The following PGBD5 variants were observed in gnomAD, a reference collection of about 807,000 sequenced individuals.
PGBD5 encodes the protein piggyBac transposable element-derived protein 5.
A neutral mutation model predicts 47.9 loss-of-function variants in PGBD5; 14 were observed. That is an observed-to-expected ratio of 0.29 (90% CI 0.19 to 0.46). The LOEUF is 0.46. Among genes scored for constraint, PGBD5 ranks in the 20% least tolerant of loss-of-function variants. The probability of loss-of-function intolerance (pLI) is 1.00; values close to 1 mark genes in which losing one functional copy is unlikely to be tolerated. For synonymous variants in PGBD5, 316 were observed against 306.3 expected, an observed-to-expected ratio of 1.03 and a Z score of -0.33; for missense variants, 635 against 716.0, an observed-to-expected ratio of 0.89 and a Z score of 1.29.
rs1273388072 is a variant in PGBD5 at position 230,323,183 on chromosome 1, G to A, written c.*242C>T. 13 of 525,250 alleles carry A rather than the reference G, an allele frequency of 2.5e-5. No homozygotes were observed. Among genetic ancestry groups the A allele is most frequent in the South Asian group, 2.3e-4 (9 of 39,084 alleles). The allele number at this position is 525,250 out of a possible 1,614,324, so 32.5% of individuals were successfully genotyped here. ...AGAATCTGCCCTTGAGAACGTGGGT[G>A]TAAGTGCTCATCACACCGGCGGCAC... On this transcript the variant is annotated 3_prime_UTR_variant, in exon 7 of 7. Transcript: ENST00000391860. The surrounding 1 kb of genome is among the most constrained non-coding windows in gnomAD (Gnocchi z 4.1).
chr1:230,324,298 G>C (rs1023365101), intron 6 of PGBD5, among the ~76,000 whole-genome samples: 2 of 152,236 alleles, frequency 1.3e-5, no homozygotes, highest in Non-Finnish European at 2.9e-5. Flanking sequence ...AGGCACGACA[G>C]ACATCTACCC....
At chr1:230,356,837 C>G (rs1298671832) in intron 2 of PGBD5, 57 bp downstream of exon 2, 1 of 1,562,564 alleles carries the variant, frequency 6.4e-7, no homozygotes, top group South Asian at 1.2e-5. Flanking sequence ...ACAGACAAGG[C>G]TAGGCCGAGA....
At chr1:230,418,710 G>C (rs538962207) in intron 1 of PGBD5, among the ~76,000 whole-genome samples, 3 of 152,144 alleles carry the variant, frequency 2.0e-5, no homozygotes, top group African/African-American at 7.2e-5. Flanking sequence ...AGATGGTCTC[G>C]AACTCTTGGT....
intron 1 of PGBD5, among the ~76,000 whole-genome samples, chr1:230,389,025 A>T (rs565985360): frequency 4.6e-5 from 7 of 152,210 alleles, no homozygotes; most frequent in Non-Finnish European, 1.0e-4. Flanking sequence ...GACTGGGAGG[A>T]AGCTGCCTTG....
In PGBD5 at chr1:230,319,505, G is replaced by C. The variant is rs1667003366; in HGVS notation, c.*3920C>G. The C allele has an allele frequency of 6.6e-6, 1 of 152,120 alleles. No homozygotes were observed. Among genetic ancestry groups the C allele is most frequent in the Admixed American group, 6.5e-5 (1 of 15,284 alleles). The allele number at this position is 152,120 out of a possible 1,614,324, so 9.4% of individuals were successfully genotyped here. ...GTTGCAAGGCCCCATGGCCCTCCCG[G>C]GTTTGCCCTGCTTCCTCTCAGCCTG... On this transcript the variant is annotated 3_prime_UTR_variant, in exon 7 of 7. Coordinates refer to ENST00000391860, the MANE Select transcript of PGBD5 (RefSeq NM_001258311.2).
rs561708904 is a variant in PGBD5, at chr1:230,366,098, C to T, written c.332-8777G>A. Among the ~76,000 whole-genome samples, 3 of 152,112 alleles carry T rather than the reference C, an allele frequency of 2.0e-5. No individual in the cohort carries two copies. In the South Asian group the frequency reaches 6.2e-4, roughly 32 times the overall value. ...CCCTTACCAGCAATAAACTAAAAGGCCAGGAGGGGACAGGGCTAATCCATG... is the reference window on the plus strand; with the variant it reads ...CCCTTACCAGCAATAAACTAAAAGGTCAGGAGGGGACAGGGCTAATCCATG... On this transcript the variant is annotated intron_variant, in intron 1 of 6. Transcript: ENST00000391860.
intron 1 of PGBD5, among the ~76,000 whole-genome samples, chr1:230,367,121 C>G (rs76643064): frequency 6.6e-6 from 1 of 152,068 alleles, no homozygotes; most frequent in East Asian, 1.9e-4. Flanking sequence ...TCTCCCTCCC[C>G]GCTTATTGCT....
At chr1:230,419,627 G>A (rs1159742309) in intron 1 of PGBD5, among the ~76,000 whole-genome samples, 6 of 152,118 alleles carry the variant, frequency 3.9e-5, no homozygotes, top group African/African-American at 1.4e-4. Context: ...ACTCTTACTG[G>A]TGGGCATCGC....
At chr1:230,417,300 G>A (rs529208047) in intron 1 of PGBD5, among the ~76,000 whole-genome samples, 28 of 152,058 alleles carry the variant, frequency 1.8e-4, no homozygotes, top group African/African-American at 6.3e-4. Context: ...GAAGGACCCC[G>A]GTGCTTCTCC....
chr1:230,371,319 T>TGCTGG (rs1239686593), intron 1 of PGBD5, among the ~76,000 whole-genome samples: 1 of 152,190 alleles, frequency 6.6e-6, no homozygotes, highest in Non-Finnish European at 1.5e-5. Context: ...GAGACCCAGT[T>TGCTGG]GCTGGGCAGG....
Position 230,323,956 on chromosome 1 carries a change from C to T in PGBD5, c.1380-336G>A, listed in dbSNP as rs142643468. ...CTCCAGCTTCCCTGCTTGCTGAATG[C>T]TCCTTGCAAAGCTGTGCTCTGTACG... On this transcript the variant is annotated intron_variant, in intron 6 of 6. Coordinates refer to ENST00000391860, the MANE Select transcript of PGBD5 (RefSeq NM_001258311.2). The surrounding 1 kb of genome is among the most constrained non-coding windows in gnomAD (Gnocchi z 4.1). Among the ~76,000 whole-genome samples, 92 of 152,382 alleles carry T rather than the reference C, an allele frequency of 6.0e-4. 1 individual carries two copies. The South Asian group carries it at 0.016, about 27-fold the overall frequency.
rs190055353 is a variant in PGBD5 at position 230,373,632 on chromosome 1, T to C, written c.332-16311A>G. 1.7e-4 allele frequency among the ~76,000 whole-genome samples: 26 copies of C among 152,360 alleles called. No homozygotes were observed. In the East Asian group the frequency reaches 1.9e-3, roughly 11 times the overall value. On this transcript the variant is annotated intron_variant, in intron 1 of 6. Transcript: ENST00000391860. The stretch of plus-strand genomic sequence containing the variant: ...GGTACTAAATTTTTAAGGTGAAATA[T>C]GACTTTGTAAAATGTTCATATTTTT...
At chr1:230,415,436 T>C (rs1371955725) in intron 1 of PGBD5, among the ~76,000 whole-genome samples, 1 of 152,230 alleles carries the variant, frequency 6.6e-6, no homozygotes, top group Non-Finnish European at 1.5e-5. Flanking sequence ...GGTCTCTCCT[T>C]CTTCCCTATC....
intron 3 of PGBD5, among the ~76,000 whole-genome samples, chr1:230,343,609 C>T (rs2102695731): frequency 6.6e-6 from 1 of 152,300 alleles, no homozygotes; most frequent in African/African-American, 2.4e-5. Flanking sequence ...CTCATGCCAG[C>T]ATCCTCCTCA....
At chr1:230,362,659 C>T (rs951379518) in intron 1 of PGBD5, among the ~76,000 whole-genome samples, 1 of 152,168 alleles carries the variant, frequency 6.6e-6, no homozygotes, top group African/African-American at 2.4e-5. Context: ...CGTCTCCCGA[C>T]CCCAGCTAAA....
chr1:230,422,113 A>AAT (rs753433283), intron 1 of PGBD5, among the ~76,000 whole-genome samples: 98 of 151,370 alleles, frequency 6.5e-4, no homozygotes, highest in African/African-American at 1.8e-3. Context: ...CACACACACA[A>AAT]ATATATATAT....
chr1:230,328,216 A>G (rs1667154476), intron 5 of PGBD5, among the ~76,000 whole-genome samples: 1 of 152,154 alleles, frequency 6.6e-6, no homozygotes, highest in Admixed American at 6.5e-5. Flanking sequence ...TCACTGTCCC[A>G]ATCTACCTCA....
chr1:230,323,608 A>C lies in PGBD5; in HGVS notation c.1392T>G (p.Ser464=), dbSNP rs1667071147. The C allele has an allele frequency of 1.2e-6, 2 of 1,613,732 alleles. No individual in the cohort carries two copies. The highest frequency in any genetic ancestry group is 2.7e-5 in the African/African-American group (2 of 74,904). Reference sequence around the variant, plus strand: ...GCTGCCAGGTCTTGTTTGGTTTATGAGAAATGAAATACCTGAGGACAGAGG... The same window carrying C: ...GCTGCCAGGTCTTGTTTGGTTTATGCGAAATGAAATACCTGAGGACAGAGG... ...YDDKYSKYFI[S]HKPNKTWQQV... The change falls in exon 7 of 7, where the codon TCT becomes TCG. Residue 464 remains serine, a synonymous_variant. Transcript: ENST00000391860. The surrounding 1 kb of genome is among the most constrained non-coding windows in gnomAD (Gnocchi z 4.1).
rs920302358 is a variant in PGBD5 at position 230,316,290 on chromosome 1, T to C, written c.*7135A>G. ...TGTACTTCTGATGTGGATACGGTGATGAAGCTACAAAGTCACACTATCCTA... is the reference window on the plus strand; with the variant it reads ...TGTACTTCTGATGTGGATACGGTGACGAAGCTACAAAGTCACACTATCCTA... On this transcript the variant is annotated 3_prime_UTR_variant, in exon 7 of 7. Coordinates refer to ENST00000391860, the MANE Select transcript of PGBD5 (RefSeq NM_001258311.2). 1.3e-5 allele frequency: 2 copies of C among 153,070 alleles called. No individual in the cohort carries two copies. The highest frequency in any genetic ancestry group is 2.9e-5 in the Non-Finnish European group (2 of 68,026). 9.5% of individuals were successfully genotyped at this position (153,070 alleles called of 1,614,324 possible). A position where few individuals can be genotyped will look rare whatever the true frequency, so the allele number is the denominator to read the frequency against.
Sources: gnomAD v4.1 joint callset for allele counts (sites outside exome capture counted in the v4.1 genomes callset) on GRCh38, gnomAD v4.1.1 for gene constraint, Gnocchi (gnomAD v3.1) non-coding constraint, MANE v1.5 for transcripts, NCBI Gene and HGNC (gene_info 2026-07-23, HGNC 2026-07-21) for gene names.